FBN3: variants seen among roughly 807,000 people sequenced by gnomAD.
FBN3 encodes the protein fibrillin-3.
Under a neutral mutation model 330.1 loss-of-function variants are expected in FBN3, and 234 were observed. The ratio of observed to expected loss-of-function variants is 0.71; its 90% CI spans 0.64 to 0.79. The LOEUF (loss-of-function observed/expected upper bound fraction) is 0.79. Among genes scored for constraint, FBN3 ranks in the 30% least tolerant of loss-of-function variants. FBN3 has a pLI of 0.00. For missense variants in FBN3, 3,606 were observed against 3,886.9 expected (o/e 0.93, Z 1.92); for synonymous variants, 1,458 against 1,517.3 (o/e 0.96, Z 0.91).
chr19:8,117,483 A>T lies in FBN3; in HGVS notation c.3444T>A (p.Pro1148=). 2 of 1,560,828 alleles carry T rather than the reference A, an allele frequency of 1.3e-6. No homozygotes were observed. The highest frequency in any genetic ancestry group is 1.7e-6 in the Non-Finnish European group (2 of 1,151,970). Reference sequence around the variant, plus strand: ...TCTCACCCACGCAGCCCTGGCGGTCAGGTGTGCTCTGGAAGCCGGCATGGC... The same window carrying T: ...TCTCACCCACGCAGCCCTGGCGGTCTGGTGTGCTCTGGAAGCCGGCATGGC... ...CSCHAGFQST[P]DRQGCVDINE... is the part of the protein sequence containing the mutation. The change falls in exon 27 of 64, where the codon CCT becomes CCA. Residue 1148 remains proline (P), a synonymous_variant. Transcript: ENST00000600128.
At chr19:8,089,848 C>G (rs1207122352) in intron 50 of FBN3, 46 bp downstream of exon 50, 1 of 1,559,640 alleles carries the variant, frequency 6.4e-7, no homozygotes, top group African/African-American at 1.4e-5. Flanking sequence ...GGAGATGGAT[C>G]TGGGTGGCCC....
chr19:8,074,291 G>A (rs1188173707), intron 61 of FBN3, among the ~76,000 whole-genome samples: 1 of 152,228 alleles, frequency 6.6e-6, no homozygotes, highest in South Asian at 2.1e-4. Context: ...GCTTGCCTGG[G>A]GGGTGGGGTC....
At position 8,087,920 on chromosome 19, in the gene FBN3, A is replaced by G. The variant is rs138978670; in HGVS notation, c.6524T>C (p.Leu2175Pro). 3.7e-6 allele frequency: 6 copies of G among 1,614,038 alleles called. No individual in the cohort carries two copies. In the African/African-American group the frequency reaches 8.0e-5, roughly 22 times the overall value. Residue 2175 changes from leucine to proline, a missense_variant, in exon 53 of 64, where the codon CTG (leucine) becomes CCG (proline). Leu to Pro is a moderately conservative substitution (Grantham distance 98, BLOSUM62 -3). Transcript: ENST00000600128. ...ATTGTGGCAGCGGAAGGCACAGAGC[A>G]GCGGGTTCAGGGAGCATTCGTCGAT... ...EDIDECSLNPLLCAFRCHNTE... is the reference protein window; with the variant it reads ...EDIDECSLNPPLCAFRCHNTE...
At chr19:8,119,053 C>A in intron 25 of FBN3, 31 bp from the exon 26 acceptor site, 1 of 1,576,454 alleles carries the variant, frequency 6.3e-7, no homozygotes, top group Non-Finnish European at 8.7e-7. Flanking sequence ...AGAGAGCAGG[C>A]ATGAAGGTGC....
At position 8,085,449 on chromosome 19, in the gene FBN3, G is replaced by A. The variant is rs1282199977; in HGVS notation, c.7001C>T (p.Pro2334Leu). The change falls in exon 56 of 64, where the codon CCC becomes CTC. Residue 2334 changes from proline (P) to leucine (L), a missense_variant. Coordinates refer to ENST00000600128, the MANE Select transcript of FBN3 (RefSeq NM_032447.5). ...CCCGGGRGWG[P>L]RCELCPLPGT... ...GGGCAGGGGACAGAGCTCGCAGCGG[G>A]GCCCCCAGCCCCGGCCACCCCCACA... The A allele has an allele frequency of 3.2e-6, 5 of 1,576,834 alleles. No homozygotes were observed. The highest frequency in any genetic ancestry group is 4.3e-6 in the Non-Finnish European group (5 of 1,162,958).
In FBN3 at chr19:8,096,523, G is replaced by T. The variant is rs1371151370; in HGVS notation, c.5460C>A (p.Asp1820Glu). 6.2e-7 allele frequency: 1 copy of T among 1,613,818 alleles called. No individual in the cohort carries two copies. The highest frequency in any genetic ancestry group is 1.3e-5 in the African/African-American group (1 of 74,912). Residue 1820 changes from aspartate to glutamate, a missense_variant, in exon 44 of 64, where the codon GAC becomes GAA. Physicochemically the swap from Asp to Glu is conservative, Grantham distance 45 (BLOSUM62 2). Coordinates refer to ENST00000600128, the MANE Select transcript of FBN3 (RefSeq NM_032447.5). The surrounding 1 kb of genome is among the most constrained non-coding windows in gnomAD (Gnocchi z 4.6). The stretch of plus-strand genomic sequence containing the variant: ...TGTAGCTGCCTTCTGTGTCCATGCA[G>T]TCACCATGGCTACAGACATTCGGGA... ...REIPNVCSHG[D>E]CMDTEGSYMC...
At chr19:8,114,878 T>C (rs1293540115) in intron 30 of FBN3, among the ~76,000 whole-genome samples, 1 of 152,056 alleles carries the variant, frequency 6.6e-6, no homozygotes, top group Non-Finnish European at 1.5e-5. Flanking sequence ...AATTTACTTA[T>C]TTTCTTTTGA....
intron 26 of FBN3, among the ~76,000 whole-genome samples, chr19:8,118,275 C>T (rs2082756967): frequency 1.3e-5 from 2 of 152,154 alleles, no homozygotes; most frequent in African/African-American, 4.8e-5. Context: ...TACACACACA[C>T]ACACAGACTT....
intron 1 of FBN3, chr19:8,148,890 G>A (rs1278896910): frequency 6.6e-6 from 1 of 152,402 alleles, no homozygotes; most frequent in Non-Finnish European, 1.5e-5. Flanking sequence ...AGCAGCCTCG[G>A]GGCTTGCAAG....
chr19:8,146,148 G>T lies in FBN3; in HGVS notation c.328C>A (p.Pro110Thr). Reference sequence around the variant, plus strand: ...TCACCTCGGCTCACCCCGCAGCTGGGAGCCAGCGTCCCATCCGCACAGGTG... The same window carrying T: ...TCACCTCGGCTCACCCCGCAGCTGGTAGCCAGCGTCCCATCCGCACAGGTG... The part of the protein sequence containing the change: ...LCTCADGTLA[P>T]SCGVSRGSGC... Residue 110 changes from proline to threonine, a missense_variant, in exon 4 of 64, where the codon CCC becomes ACC. Pro to Thr is a conservative substitution (Grantham distance 38, BLOSUM62 -1). Coordinates refer to ENST00000600128, the MANE Select transcript of FBN3 (RefSeq NM_032447.5). 1 of 1,599,586 alleles carries T rather than the reference G, an allele frequency of 6.3e-7. No homozygotes were observed. Among genetic ancestry groups the T allele is most frequent in the South Asian group, 1.1e-5 (1 of 87,916 alleles).
chr19:8,087,001 C>T lies in FBN3; in HGVS notation c.6754+76G>A, dbSNP rs938249347. On this transcript the variant is annotated intron_variant, in intron 54 of 63. Coordinates refer to ENST00000600128, the MANE Select transcript of FBN3 (RefSeq NM_032447.5). ...GATGACAGGTATGAGTCACCGTGCC[C>T]GGTCCAACCCTCTTGCTTTGACCTC... 29 of 1,520,996 alleles carry T rather than the reference C, an allele frequency of 1.9e-5. No homozygotes were observed. The East Asian group carries it at 2.2e-4, about 12-fold the overall frequency. The allele number at this position is 1,520,996 out of a possible 1,614,324, so 94.2% of individuals were successfully genotyped here. A position where few individuals can be genotyped will look rare whatever the true frequency, so the allele number is the denominator to read the frequency against.
Position 8,147,369 on chromosome 19 carries a change from C to A in FBN3, c.112G>T (p.Glu38Ter). ...GGQGRWDGALEAAGPGRVRRR... is the reference protein window; with the variant it reads ...GGQGRWDGAL ...CGCACACGTCCAGGACCTGCAGCCT[C>A]CAAGGCCCCGTCCCAGCGGCCTTGG... The change falls in exon 2 of 64, where the codon GAG (glutamate) becomes TAG (stop). Residue 38 changes from glutamate to a stop codon, truncating the protein, a stop_gained. Transcript: ENST00000600128. LOFTEE classifies it high-confidence loss of function. 1 of 1,601,986 alleles carries A rather than the reference C, an allele frequency of 6.2e-7. No homozygotes were observed. Among genetic ancestry groups the A allele is most frequent in the Non-Finnish European group, 8.5e-7 (1 of 1,176,062 alleles).
Position 8,147,407 on chromosome 19 carries a change from C to A in FBN3, c.74G>T (p.Cys25Phe). 6.3e-7 allele frequency: 1 copy of A among 1,595,714 alleles called. No homozygotes were observed. Among genetic ancestry groups the A allele is most frequent in the Non-Finnish European group, 8.5e-7 (1 of 1,172,490 alleles). Residue 25 changes from cysteine (C) to phenylalanine (F), a missense_variant, in exon 2 of 64, where the codon TGC (cysteine) becomes TTC (phenylalanine). Physicochemically the swap from Cys to Phe is radical, Grantham distance 205. Transcript: ENST00000600128. ...RLLLAWSALL[C>F]MAGGQGRWDG... ...CCAGCGGCCTTGGCCACCTGCCATGCACAACAGGGCCGACCAGGCCAGCAG... is the reference window on the plus strand; with the variant it reads ...CCAGCGGCCTTGGCCACCTGCCATGAACAACAGGGCCGACCAGGCCAGCAG...
intron 8 of FBN3, among the ~76,000 whole-genome samples, chr19:8,139,105 T>C (rs1174709882): frequency 6.6e-6 from 1 of 151,426 alleles, no homozygotes; most frequent in Non-Finnish European, 1.5e-5. Context: ...TCTCAGCACT[T>C]TGGGAGGCTG....
intron 28 of FBN3, 89 bp downstream of exon 28, chr19:8,117,080 G>A: frequency 6.4e-7 from 1 of 1,556,794 alleles, no homozygotes; most frequent in Middle Eastern, 1.8e-4. Context: ...TCACTATGCT[G>A]TGCTGGGCTC....
chr19:8,109,230 T>A lies in FBN3; in HGVS notation c.4615A>T (p.Thr1539Ser), dbSNP rs1316141609. 2 of 1,613,894 alleles carry A rather than the reference T, an allele frequency of 1.2e-6. No individual in the cohort carries two copies. Among genetic ancestry groups the A allele is most frequent in the African/African-American group, 2.7e-5 (2 of 74,900 alleles). ...CAACTGCCCCGCAGGGACTCACTGG[T>A]GTTGGCCATAGGGCACAGCTCACAG... ...NPCELCPMAN[T>S]TEYRTLCPGG... The change falls in exon 36 of 64, where the codon ACC becomes TCC. Residue 1539 changes from threonine to serine, a missense_variant. Coordinates refer to ENST00000600128, the MANE Select transcript of FBN3 (RefSeq NM_032447.5). The surrounding 1 kb of genome is among the most constrained non-coding windows in gnomAD (Gnocchi z 5.2).
At position 8,075,370 on chromosome 19, in the gene FBN3, G is replaced by T. The variant is rs771128192; in HGVS notation, c.7495C>A (p.His2499Asn). 6.2e-7 allele frequency: 1 copy of T among 1,614,054 alleles called. No individual in the cohort carries two copies. The highest frequency in any genetic ancestry group is 2.2e-5 in the East Asian group (1 of 44,874). ...CSAQPGPCGAHGHCHNTPGSF... is the reference protein window; with the variant it reads ...CSAQPGPCGANGHCHNTPGSF... Reference sequence around the variant, plus strand: ...CCCGGGGTGTTGTGGCAGTGCCCGTGGGCACCACATGGGCCAGGCTGGGCT... The same window carrying T: ...CCCGGGGTGTTGTGGCAGTGCCCGTTGGCACCACATGGGCCAGGCTGGGCT... The change falls in exon 60 of 64, where the codon CAC (histidine) becomes AAC (asparagine). Residue 2499 changes from histidine (H) to asparagine (N), a missense_variant. Transcript: ENST00000600128.
chr19:8,148,524 C>G (rs147502022), intron 1 of FBN3, among the ~76,000 whole-genome samples: 2 of 152,332 alleles, frequency 1.3e-5, no homozygotes, highest in East Asian at 3.9e-4. Context: ...GCTCCTGCCC[C>G]CCTTGGCTGG....
At chr19:8,084,543 A>G (rs2081890606) in intron 56 of FBN3, among the ~76,000 whole-genome samples, 1 of 151,856 alleles carries the variant, frequency 6.6e-6, no homozygotes, top group South Asian at 2.1e-4. Flanking sequence ...CCACGGCCCC[A>G]AAGAGATCCT....
Sources: allele counts gnomAD v4.1 joint callset (sites outside exome capture counted in the v4.1 genomes callset), GRCh38; gene constraint gnomAD v4.1.1; non-coding constraint Gnocchi (gnomAD v3.1); transcripts MANE v1.5; gene names NCBI Gene and HGNC (gene_info 2026-07-23, HGNC 2026-07-21).